The following CACNA1C variants were observed in gnomAD, a reference collection of about 807,000 sequenced individuals.
The protein encoded by CACNA1C is calcium voltage-gated channel subunit alpha1 C.
A neutral mutation model predicts 229.0 loss-of-function variants in CACNA1C; 30 were observed. The observed-to-expected ratio is 0.13, with a 90% CI of 0.10 to 0.18. CACNA1C has a LOEUF of 0.18. Among genes scored for constraint, CACNA1C ranks in the 10% least tolerant of loss-of-function variants. The probability of loss-of-function intolerance (pLI) is 1.00; values close to 1 mark genes in which losing one functional copy is unlikely to be tolerated. For missense variants in CACNA1C, 1,658 were observed against 2,845.0 expected, an observed-to-expected ratio of 0.58 and a Z score of 9.49; for synonymous variants, 1,114 against 1,132.5, an observed-to-expected ratio of 0.98 and a Z score of 0.33.
At chr12:2,501,165 C>T (rs1318929316) in intron 7 of CACNA1C, among the ~76,000 whole-genome samples, 13 of 138,970 alleles carry the variant, frequency 9.4e-5, no homozygotes, top group African/African-American at 1.1e-4. Context: ...GCCAAGATCA[C>T]GCCACTGCAC....
At chr12:2,619,683 C>T (rs888738278) in intron 29 of CACNA1C, among the ~76,000 whole-genome samples, 1 of 152,096 alleles carries the variant, frequency 6.6e-6, no homozygotes, top group African/African-American at 2.4e-5. Flanking sequence ...CTCTCTTTCT[C>T]GGTGCCTAGG....
intron 1 of CACNA1C, among the ~76,000 whole-genome samples, chr12:1,983,983 G>A (rs1479161871): frequency 3.3e-5 from 5 of 151,906 alleles, no homozygotes; most frequent in Non-Finnish European, 7.4e-5. Flanking sequence ...ATGCAATGTC[G>A]TTTTTTATCC....
At chr12:2,206,136 G>A (rs2097754035) in intron 3 of CACNA1C, among the ~76,000 whole-genome samples, 1 of 152,150 alleles carries the variant, frequency 6.6e-6, no homozygotes, top group South Asian at 2.1e-4. Context: ...GACCTGGGAT[G>A]GCTCCGCGTA....
At chr12:2,529,825 T>C (rs2099836611) in intron 9 of CACNA1C, among the ~76,000 whole-genome samples, 1 of 152,240 alleles carries the variant, frequency 6.6e-6, no homozygotes, top group Non-Finnish European at 1.5e-5. Flanking sequence ...TCTCATTTTA[T>C]CCTTTCTCAG....
In CACNA1C at chr12:2,422,323, T is replaced by C. The variant is rs576514740; in HGVS notation, c.478-26653T>C. On this transcript the variant is annotated intron_variant, in intron 3 of 46. Coordinates refer to ENST00000399655, the MANE Select transcript of CACNA1C (RefSeq NM_000719.7). ...ACAGGCCAGTGGAATGGAGGGAAAATAACCCACGGAGGGCAGAATCATTTC... is the reference window on the plus strand; with the variant it reads ...ACAGGCCAGTGGAATGGAGGGAAAACAACCCACGGAGGGCAGAATCATTTC... Among the ~76,000 whole-genome samples the C allele has an allele frequency of 1.4e-3, 209 of 152,206 alleles. 2 individuals carry two copies. The highest frequency in any genetic ancestry group is 4.9e-3 in the African/African-American group (205 of 41,524).
intron 1 of CACNA1C, chr12:1,991,138 G>A: frequency 4.4e-6 from 2 of 456,176 alleles, no homozygotes; most frequent in South Asian, 3.1e-5. Flanking sequence ...TTGCATCCAT[G>A]TTTAATAGTA....
At chr12:2,093,718 A>G in intron 1 of CACNA1C, among the ~76,000 whole-genome samples, 1 of 152,168 alleles carries the variant, frequency 6.6e-6, no homozygotes, top group East Asian at 1.9e-4. Flanking sequence ...GCAGCTTCGT[A>G]ACTCTTTGGC....
chr12:2,188,278 T>C (rs2097105308), intron 3 of CACNA1C, among the ~76,000 whole-genome samples: 1 of 152,192 alleles, frequency 6.6e-6, no homozygotes, highest in African/African-American at 2.4e-5. Context: ...TTGGGAAGAA[T>C]GGTTGTATTT....
At chr12:2,366,171 G>A (rs1043517861) in intron 3 of CACNA1C, among the ~76,000 whole-genome samples, 7 of 152,174 alleles carry the variant, frequency 4.6e-5, no homozygotes, top group African/African-American at 1.7e-4. Flanking sequence ...CTGCAAATGA[G>A]CCTCACCCCT....
intron 1 of CACNA1C, among the ~76,000 whole-genome samples, chr12:2,059,007 C>T (rs2056387899): frequency 6.6e-6 from 1 of 152,132 alleles, no homozygotes; most frequent in Non-Finnish European, 1.5e-5. Context: ...CCCCTGGAGG[C>T]AGCTGTTTAT....
Position 2,607,691 on chromosome 12 carries a change from C to A in CACNA1C, c.3356+561C>A, listed in dbSNP as rs113442303. On this transcript the variant is annotated intron_variant, in intron 26 of 46. Transcript: ENST00000399655. ...CGTAGAGCAGCCCGTGGGCCTTGCA[C>A]GCTGCATCACCTCTACCAGGCAGCT... Among the ~76,000 whole-genome samples the A allele has an allele frequency of 6.7e-3, 1,027 of 152,374 alleles. 18 individuals are homozygous for A. Among genetic ancestry groups the A allele is most frequent in the African/African-American group, 0.023 (954 of 41,588 alleles).
chr12:2,194,826 TC>T (rs1484204297), intron 3 of CACNA1C, among the ~76,000 whole-genome samples: 1 of 152,152 alleles, frequency 6.6e-6, no homozygotes, highest in African/African-American at 2.4e-5. Flanking sequence ...AGCACAGTGT[TC>T]CCCAGGACTT....
At chr12:2,690,720 G>A in intron 46 of CACNA1C, 180 bp from the exon 47 acceptor site, 1 of 602,806 alleles carries the variant, frequency 1.7e-6, no homozygotes. Context: ...TCTGGCAGAT[G>A]CTCCATCTCC....
chr12:2,318,356 A>G (rs1174545955), intron 3 of CACNA1C, among the ~76,000 whole-genome samples: 1 of 152,234 alleles, frequency 6.6e-6, no homozygotes, highest in Non-Finnish European at 1.5e-5. Context: ...GATTTTAAGC[A>G]AGGCGACAGC....
intron 3 of CACNA1C, among the ~76,000 whole-genome samples, chr12:2,366,172 C>A (rs2097713821): frequency 6.6e-6 from 1 of 152,136 alleles, no homozygotes; most frequent in African/African-American, 2.4e-5. Context: ...TGCAAATGAG[C>A]CTCACCCCTG....
chr12:2,533,627 G>T (rs765031992), intron 9 of CACNA1C, among the ~76,000 whole-genome samples: 9 of 152,148 alleles, frequency 5.9e-5, no homozygotes, highest in African/African-American at 1.9e-4. Context: ...TGGGAGCTTC[G>T]GTGGAGAGGA....
At chr12:2,180,600 A>G (rs543025406) in intron 3 of CACNA1C, among the ~76,000 whole-genome samples, 10 of 152,278 alleles carry the variant, frequency 6.6e-5, no homozygotes, top group African/African-American at 2.4e-4. Flanking sequence ...CAGTTCCCAG[A>G]TGTAATGCTG....
At chr12:2,668,708 A>G (rs1019679065) in intron 37 of CACNA1C, 4 of 530,794 alleles carry the variant, frequency 7.5e-6, no homozygotes, top group South Asian at 4.7e-5. Flanking sequence ...AGCAGATCTC[A>G]TGAGTACTCA....
intron 1 of CACNA1C, among the ~76,000 whole-genome samples, chr12:2,113,262 G>A (rs921687184): frequency 3.9e-5 from 6 of 152,224 alleles, no homozygotes; most frequent in Admixed American, 2.0e-4. Flanking sequence ...ATGTTCACAT[G>A]GCTAAGCCAG....
Sources: allele counts gnomAD v4.1 joint callset (sites outside exome capture counted in the v4.1 genomes callset), GRCh38; gene constraint gnomAD v4.1.1; transcripts MANE v1.5; gene names NCBI Gene and HGNC (gene_info 2026-07-23, HGNC 2026-07-21).